USP42: variants seen among roughly 807,000 people sequenced by gnomAD.
USP42 encodes ubiquitin carboxyl-terminal hydrolase 42.
In USP42, 23 loss-of-function variants were observed where a neutral mutation model predicts 113.0. The ratio of observed to expected loss-of-function variants is 0.20; its 90% CI spans 0.15 to 0.29. USP42 has a LOEUF of 0.29. Ranked by LOEUF, USP42 falls within the 10% of genes least tolerant of loss-of-function variation. The pLI, the probability that USP42 is intolerant of heterozygous loss-of-function variation, is 1.00. For missense variants in USP42, 2,174 were observed against 1,779.8 expected (o/e 1.22, Z -3.99); for synonymous variants, 933 against 699.0 (o/e 1.33, Z -5.28).
chr7:6,156,007 C>G (rs1782428271), intron 15 of USP42, among the ~76,000 whole-genome samples: 1 of 152,188 alleles, frequency 6.6e-6, no homozygotes, highest in African/African-American at 2.4e-5. Context: ...TCCCAAAGCA[C>G]TGGGATCACA....
intron 9 of USP42, among the ~76,000 whole-genome samples, chr7:6,144,864 T>C (rs1051076304): frequency 4.7e-5 from 7 of 149,120 alleles, no homozygotes; most frequent in African/African-American, 1.7e-4. Flanking sequence ...AGTCAGATTC[T>C]GTCTCAAAAA....
chr7:6,143,685 A>G (rs1781550815), intron 8 of USP42, among the ~76,000 whole-genome samples: 1 of 152,012 alleles, frequency 6.6e-6, no homozygotes, highest in South Asian at 2.1e-4. Context: ...GTTTCTGGTT[A>G]GGGCTCTCTT....
chr7:6,120,918 A>G (rs56191313), intron 3 of USP42, among the ~76,000 whole-genome samples: 17,510 of 152,200 alleles, frequency 0.12, 1,123 homozygotes, highest in African/African-American at 0.13. Context: ...TACAAAGGGT[A>G]TTTTATTTTT....
intron 2 of USP42, among the ~76,000 whole-genome samples, chr7:6,113,553 C>T (rs987811281): frequency 1.3e-5 from 2 of 152,174 alleles, no homozygotes; most frequent in African/African-American, 4.8e-5. Context: ...CCTAAATAAC[C>T]ACTAATAAGT....
At chr7:6,089,119 A>G in the USP42 span, among the ~76,000 whole-genome samples, 1 of 150,478 alleles carries the variant, frequency 6.6e-6, no homozygotes, top group Non-Finnish European at 1.5e-5. Flanking sequence ...ATCTCTGTTC[A>G]CTGCAACCGC....
Position 6,157,144 on chromosome 7 carries a change from C to T in USP42, c.3943+89C>T. The stretch of plus-strand genomic sequence containing the variant: ...GGTGATTAACATGTAGAAAGAAAAC[C>T]TCAGGTGGCATCAAAGGGCACAGTT... On this transcript the variant is annotated intron_variant, in intron 16 of 17. Transcript: ENST00000306177. This position sits in a 1 kb window ranked among gnomAD's most constrained non-coding sequence, Gnocchi z 4.1. 5 of 1,447,044 alleles carry T rather than the reference C, an allele frequency of 3.5e-6. No homozygotes were observed. Among genetic ancestry groups the T allele is most frequent in the East Asian group, 2.5e-5 (1 of 40,302 alleles). The allele number at this position is 1,447,044 out of a possible 1,614,324, so 89.6% of individuals were successfully genotyped here.
chr7:6,084,199 G>T, the USP42 span, among the ~76,000 whole-genome samples: 1 of 150,568 alleles, frequency 6.6e-6, no homozygotes, highest in East Asian at 1.9e-4. Flanking sequence ...GCTAATTTTT[G>T]TATTTTTAGT....
intron 12 of USP42, among the ~76,000 whole-genome samples, chr7:6,148,934 T>A (rs986914301): frequency 6.6e-6 from 1 of 152,154 alleles, no homozygotes; most frequent in African/African-American, 2.4e-5. Flanking sequence ...AAGCCTGTTT[T>A]TGTTTTTACC....
upstream of USP42, among the ~76,000 whole-genome samples, chr7:6,102,473 T>C (rs1329485822): frequency 6.7e-6 from 1 of 148,898 alleles, no homozygotes; most frequent in Non-Finnish European, 1.5e-5. Context: ...AAATGGAAAA[T>C]GAAGCTGGGT....
At chr7:6,138,691 T>G (rs1257364517) in intron 4 of USP42, among the ~76,000 whole-genome samples, 1 of 152,146 alleles carries the variant, frequency 6.6e-6, no homozygotes, top group Non-Finnish European at 1.5e-5. Context: ...CCACCTGAGC[T>G]CCGCCTCCTG....
At chr7:6,122,115 C>T (rs1780258543) in intron 3 of USP42, among the ~76,000 whole-genome samples, 1 of 152,000 alleles carries the variant, frequency 6.6e-6, no homozygotes, top group Non-Finnish European at 1.5e-5. Context: ...ATTTCTTCTG[C>T]TTACTTTGGA....
chr7:6,136,626 A>T (rs1438589558), intron 4 of USP42, among the ~76,000 whole-genome samples: 2 of 152,168 alleles, frequency 1.3e-5, no homozygotes, highest in Admixed American at 6.5e-5. Flanking sequence ...GTTTTTGTAA[A>T]CAGTTTTTAA....
chr7:6,086,081 G>C, the USP42 span, among the ~76,000 whole-genome samples: 6 of 149,394 alleles, frequency 4.0e-5, no homozygotes, highest in Non-Finnish European at 5.9e-5. Context: ...TCTCACCCAG[G>C]TTGGTTTGCA....
chr7:6,156,561 T>A (rs1045910673), intron 15 of USP42, among the ~76,000 whole-genome samples, 193 bp from the exon 16 acceptor site: 5 of 152,130 alleles, frequency 3.3e-5, no homozygotes, highest in Admixed American at 3.3e-4. Context: ...GTGATCCTCC[T>A]GCTTCAGCCT....
the USP42 span, among the ~76,000 whole-genome samples, chr7:6,083,643 A>G: frequency 6.6e-6 from 1 of 150,748 alleles, no homozygotes; most frequent in African/African-American, 2.5e-5. Flanking sequence ...ACACCAGAAT[A>G]TATAAGTATA....
Position 6,154,568 on chromosome 7 carries a change from G to C in USP42, c.3014G>C (p.Arg1005Thr). 1 of 1,557,350 alleles carries C rather than the reference G, an allele frequency of 6.4e-7. No homozygotes were observed. Among genetic ancestry groups the C allele is most frequent in the East Asian group, 2.4e-5 (1 of 41,350 alleles). Residue 1005 changes from arginine (R) to threonine (T), a missense_variant, in exon 15 of 18, where the codon AGG becomes ACG. Transcript: ENST00000306177. ...GAGCACCACCCCGGCCACGGCGACA[G>C]GCTCAGCCCTGGCGAGCGCCGCTCT... ...APEHHPGHGD[R>T]LSPGERRSLG... is the part of the protein sequence containing the mutation.
the USP42 span, among the ~76,000 whole-genome samples, chr7:6,089,385 G>A: frequency 6.7e-6 from 1 of 150,346 alleles, no homozygotes; most frequent in Non-Finnish European, 1.5e-5. Flanking sequence ...CCCCTGGGAG[G>A]GGGAGTTTCT....
chr7:6,081,350 G>C, the USP42 span: 1 of 188 alleles, frequency 5.3e-3, no homozygotes, highest in Non-Finnish European at 7.7e-3. Flanking sequence ...ATCATACCGG[G>C]GGCCGGGCCG....
chr7:6,154,863 C>T lies in USP42; in HGVS notation c.3309C>T (p.Cys1103=), dbSNP rs1782339279. 10 of 1,525,004 alleles carry T rather than the reference C, an allele frequency of 6.6e-6. No homozygotes were observed. The highest frequency in any genetic ancestry group is 8.8e-6 in the Non-Finnish European group (10 of 1,134,444). 94.5% of individuals were successfully genotyped at this position (1,525,004 alleles called of 1,614,324 possible). The change falls in exon 15 of 18, where the codon TGC becomes TGT. Residue 1103 remains cysteine (C), a synonymous_variant. Coordinates refer to ENST00000306177, the MANE Select transcript of USP42 (RefSeq NM_032172.3). Reference sequence around the variant, plus strand: ...ACCACAACCGGGGCCGTAGGGGCTGCGAGCCGGCCCGGGAGAGGGAGCGGC... The same window carrying T: ...ACCACAACCGGGGCCGTAGGGGCTGTGAGCCGGCCCGGGAGAGGGAGCGGC... ...HKDHNRGRRG[C]EPARERERHR...
Sources: allele counts gnomAD v4.1 joint callset (sites outside exome capture counted in the v4.1 genomes callset), GRCh38; gene constraint gnomAD v4.1.1; non-coding constraint Gnocchi (gnomAD v3.1); transcripts MANE v1.5; gene names NCBI Gene and HGNC (gene_info 2026-07-23, HGNC 2026-07-21).